The following MRRF variants were observed in gnomAD, a reference collection of about 807,000 sequenced individuals.
MRRF encodes the protein mitochondrial ribosome recycling factor.
A neutral mutation model predicts 25.1 loss-of-function variants in MRRF; 18 were observed. The observed-to-expected ratio is 0.72, with a 90% CI of 0.50 to 1.06. MRRF has a LOEUF of 1.06. Ranked by LOEUF, MRRF falls within the 50% of genes least tolerant of loss-of-function variation. The pLI is 0.00. For missense variants in MRRF, 323 were observed against 319.3 expected, an observed-to-expected ratio of 1.01 and a Z score of -0.09; for synonymous variants, 113 against 112.1, an observed-to-expected ratio of 1.01 and a Z score of -0.05.
At chr9:122,317,684 A>C (rs1409437899) in intron 6 of MRRF, among the ~76,000 whole-genome samples, 1 of 152,208 alleles carries the variant, frequency 6.6e-6, no homozygotes, top group Non-Finnish European at 1.5e-5. Flanking sequence ...CAGCTTATAC[A>C]TGTCAAAATA....
intron 5 of MRRF, among the ~76,000 whole-genome samples, chr9:122,303,012 C>A (rs935871617): frequency 8.5e-5 from 13 of 152,152 alleles, no homozygotes; most frequent in African/African-American, 3.1e-4. Flanking sequence ...AGAAAAATGT[C>A]TATTCAAGTC....
At chr9:122,308,742 A>ATCCAGGCT (rs1287041666) in intron 5 of MRRF, among the ~76,000 whole-genome samples, 2 of 149,898 alleles carry the variant, frequency 1.3e-5, no homozygotes, top group East Asian at 3.9e-4. Flanking sequence ...ATGCTGTCTC[A>ATCCAGGCT]TCCAGGCTAA....
chr9:122,295,801 T>G (rs1399685904), intron 5 of MRRF, among the ~76,000 whole-genome samples: 4 of 152,228 alleles, frequency 2.6e-5, no homozygotes, highest in African/African-American at 7.2e-5. Context: ...AAAATTTGCC[T>G]CCTCTGATTG....
chr9:122,285,876 A>G, intron 4 of MRRF: 1 of 1,285,260 alleles, frequency 7.8e-7, no homozygotes, highest in Non-Finnish European at 1.0e-6. Context: ...CAGACCCTCC[A>G]GGAAGTCCTT....
At chr9:122,305,132 T>C (rs1341164308) in intron 5 of MRRF, among the ~76,000 whole-genome samples, 1 of 152,036 alleles carries the variant, frequency 6.6e-6, no homozygotes. Flanking sequence ...CCTTTGTAGC[T>C]GGGCACTCTC....
At position 122,291,844 on chromosome 9, in the gene MRRF, A is replaced by G. The variant is rs1451254219; in HGVS notation, c.551+4A>G. ...TAATTCGGGTACCCATTCCCCAGTA[A>G]GTTTGGCTGAAATTCACATATTTTG... On this transcript the variant is annotated splice_donor_region_variant and intron_variant, in intron 5 of 6. Transcript: ENST00000344641. The G allele has an allele frequency of 5.0e-6, 8 of 1,608,248 alleles. No individual in the cohort carries two copies. The highest frequency in any genetic ancestry group is 1.7e-5 in the Admixed American group (1 of 60,010).
rs1836036486 is a variant in MRRF at position 122,324,080 on chromosome 9, T to A, written c.*1463T>A. 1 of 152,170 alleles carries A rather than the reference T, an allele frequency of 6.6e-6. No individual in the cohort carries two copies. The highest frequency in any genetic ancestry group is 1.5e-5 in the Non-Finnish European group (1 of 68,034). 9.4% of individuals were successfully genotyped at this position (152,170 alleles called of 1,614,324 possible). A position where few individuals can be genotyped will look rare whatever the true frequency, so the allele number is the denominator to read the frequency against. ...AATTCTCCAGCAGACACCAACTGGGTATCCTATAATTCAATTCATTTCTGA... is the reference window on the plus strand; with the variant it reads ...AATTCTCCAGCAGACACCAACTGGGAATCCTATAATTCAATTCATTTCTGA... On this transcript the variant is annotated 3_prime_UTR_variant, in exon 7 of 7. Transcript: ENST00000344641.
chr9:122,309,352 G>A (rs183377982), intron 5 of MRRF, among the ~76,000 whole-genome samples: 32 of 152,244 alleles, frequency 2.1e-4, no homozygotes, highest in Admixed American at 7.2e-4. Context: ...ACAAAGCCTT[G>A]CTCTTGCCAG....
At chr9:122,304,680 C>G (rs1306186598) in intron 5 of MRRF, among the ~76,000 whole-genome samples, 1 of 152,188 alleles carries the variant, frequency 6.6e-6, no homozygotes, top group South Asian at 2.1e-4. Flanking sequence ...TAAATTCCCT[C>G]TCTTCTTTCT....
chr9:122,288,695 A>G (rs1325496844), intron 4 of MRRF, among the ~76,000 whole-genome samples: 1 of 152,236 alleles, frequency 6.6e-6, no homozygotes. Context: ...ATGGAAGGCC[A>G]GTAATTGATA....
At chr9:122,302,123 T>C (rs1370766192) in intron 5 of MRRF, among the ~76,000 whole-genome samples, 1 of 152,206 alleles carries the variant, frequency 6.6e-6, no homozygotes, top group East Asian at 1.9e-4. Flanking sequence ...TCAAGCTTTC[T>C]ACCTAGGATA....
intron 4 of MRRF, among the ~76,000 whole-genome samples, chr9:122,286,801 A>G (rs1352679681): frequency 2.0e-5 from 3 of 152,214 alleles, no homozygotes; most frequent in Non-Finnish European, 4.4e-5. Flanking sequence ...GCTTCTAGCA[A>G]TCTTTAAGAA....
At chr9:122,290,668 T>G (rs1199206457) in intron 4 of MRRF, among the ~76,000 whole-genome samples, 3 of 152,336 alleles carry the variant, frequency 2.0e-5, no homozygotes, top group African/African-American at 7.2e-5. Flanking sequence ...CCAAGTGATG[T>G]GGATTGTCTC....
intron 5 of MRRF, among the ~76,000 whole-genome samples, chr9:122,292,752 A>G (rs113424350): frequency 4.1e-4 from 62 of 152,238 alleles, no homozygotes; most frequent in African/African-American, 1.2e-3. Flanking sequence ...GGTTTAACAA[A>G]TGGACTATAG....
chr9:122,317,782 T>C (rs1475569874), intron 6 of MRRF, among the ~76,000 whole-genome samples: 2 of 152,196 alleles, frequency 1.3e-5, no homozygotes, highest in Non-Finnish European at 2.9e-5. Flanking sequence ...TCAAAAATCT[T>C]TTGAGGTCAG....
rs528241451 is a variant in MRRF at position 122,313,445 on chromosome 9, A to G, written c.711+59A>G. On this transcript the variant is annotated intron_variant, in intron 6 of 6. Coordinates refer to ENST00000344641, the MANE Select transcript of MRRF (RefSeq NM_138777.5). ...ATTCAGCATAAGGAATCATTTGTTC[A>G]TGTTTGAGGTGAGGACAGTTAAAAC... 72 of 1,571,792 alleles carry G rather than the reference A, an allele frequency of 4.6e-5. No individual in the cohort carries two copies. The African/African-American group carries it at 9.2e-4, about 20-fold the overall frequency.
chr9:122,326,819 A>G lies in MRRF; in HGVS notation c.*4202A>G, dbSNP rs1836156366. The G allele has an allele frequency of 6.6e-6, 1 of 152,148 alleles. No homozygotes were observed. Among genetic ancestry groups the G allele is most frequent in the Non-Finnish European group, 1.5e-5 (1 of 68,034 alleles). The allele number at this position is 152,148 out of a possible 1,614,324, so 9.4% of individuals were successfully genotyped here. A position where few individuals can be genotyped will look rare whatever the true frequency, so the allele number is the denominator to read the frequency against. ...ACTTCTGATGAATCCTTGTTAATGT[A>G]GGTGTTATGATTATCTGTGTTTTTC... On this transcript the variant is annotated 3_prime_UTR_variant, in exon 7 of 7. Transcript: ENST00000344641.
At position 122,275,399 on chromosome 9, in the gene MRRF, G is replaced by A. The variant is rs192263415; in HGVS notation, c.184+4324G>A. 1.6e-4 allele frequency among the ~76,000 whole-genome samples: 24 copies of A among 152,252 alleles called. No homozygotes were observed. In the East Asian group the frequency reaches 3.3e-3, roughly 21 times the overall value. ...CATAATTCCAGCACTTTGGGAGGCC[G>A]AGGCGGGTGGATCACTTGAGCCCAG... is the stretch of plus-strand genomic sequence containing the variant. On this transcript the variant is annotated intron_variant, in intron 2 of 6. Coordinates refer to ENST00000344641, the MANE Select transcript of MRRF (RefSeq NM_138777.5).
At chr9:122,291,886 G>T (rs763559135) in intron 5 of MRRF, 46 bp downstream of exon 5, 2 of 1,364,628 alleles carry the variant, frequency 1.5e-6, no homozygotes, top group South Asian at 1.2e-5. Flanking sequence ...CGGGGTGGTT[G>T]TCCTTGGAAG....
Sources: allele counts gnomAD v4.1 joint callset (sites outside exome capture counted in the v4.1 genomes callset), GRCh38; gene constraint gnomAD v4.1.1; transcripts MANE v1.5; gene names NCBI Gene and HGNC (gene_info 2026-07-23, HGNC 2026-07-21).